The following PJVK variants were observed in gnomAD, a reference collection of about 807,000 sequenced individuals.
PJVK encodes pejvakin.
In PJVK, 33 loss-of-function variants were observed where a neutral mutation model predicts 37.6. That is an observed-to-expected ratio of 0.88 (90% CI 0.67 to 1.17). The LOEUF (loss-of-function observed/expected upper bound fraction) is 1.17. PJVK is among the 50% of genes most tolerant of loss of function. PJVK has a pLI of 0.00. For missense variants in PJVK, 410 were observed against 413.8 expected (o/e 0.99, Z 0.08); for synonymous variants, 141 against 143.5 (o/e 0.98, Z 0.13).
chr2:178,457,998 C>A (rs1038618433), intron 4 of PJVK, among the ~76,000 whole-genome samples: 7 of 152,198 alleles, frequency 4.6e-5, no homozygotes, highest in African/African-American at 1.7e-4. Context: ...CAAGGATAAT[C>A]TTTTCAAGTC....
chr2:178,453,177 T>G lies in PJVK; in HGVS notation c.-22-211T>G, dbSNP rs1472123021. 8.0e-6 allele frequency: 4 copies of G among 498,562 alleles called. No homozygotes were observed. In the East Asian group the frequency reaches 1.5e-4, roughly 19 times the overall value. 30.9% of individuals were successfully genotyped at this position (498,562 alleles called of 1,614,324 possible). A position where few individuals can be genotyped will look rare whatever the true frequency, so the allele number is the denominator to read the frequency against. On this transcript the variant is annotated intron_variant, in intron 1 of 6. Transcript: ENST00000644580. Reference sequence around the variant, plus strand: ...TAGTGCTATAGCCTGCCATTCCAAGTTAAACATGCTCTTAGCATATCATTT... The same window carrying G: ...TAGTGCTATAGCCTGCCATTCCAAGGTAAACATGCTCTTAGCATATCATTT...
At chr2:178,457,739 C>T (rs551937902) in intron 4 of PJVK, among the ~76,000 whole-genome samples, 2 of 152,220 alleles carry the variant, frequency 1.3e-5, no homozygotes, top group African/African-American at 4.8e-5. Flanking sequence ...TTTGCAGGTT[C>T]GAGCTCAGGA....
At chr2:178,456,295 T>A in intron 4 of PJVK, 144 bp downstream of exon 4, 1 of 1,021,640 alleles carries the variant, frequency 9.8e-7, no homozygotes, top group Non-Finnish European at 1.5e-6. Context: ...TGCACAGCAA[T>A]GTCTGTTCTA....
At chr2:178,460,723 C>T (rs1684440267) in intron 6 of PJVK, among the ~76,000 whole-genome samples, 1 of 151,752 alleles carries the variant, frequency 6.6e-6, no homozygotes, top group Non-Finnish European at 1.5e-5. Context: ...GTGGTGTGCA[C>T]CTGTAGTCCC....
Position 178,455,190 on chromosome 2 carries a change from G to T in PJVK, c.407+663G>T, listed in dbSNP as rs371564331. 3.8e-6 allele frequency: 6 copies of T among 1,588,844 alleles called. No homozygotes were observed. The African/African-American group carries it at 6.7e-5, about 18-fold the overall frequency. On this transcript the variant is annotated intron_variant, in intron 3 of 6. Coordinates refer to ENST00000644580, the MANE Select transcript of PJVK (RefSeq NM_001042702.5). ...CTGGAGAAGATCAAGAAGATGGAGT[G>T]GTGGAGCCGCTTGGTGTCCAGTGAC...
At chr2:178,460,604 A>G (rs567311765) in intron 6 of PJVK, among the ~76,000 whole-genome samples, 158 bp downstream of exon 6, 23 of 152,198 alleles carry the variant, frequency 1.5e-4, no homozygotes, top group African/African-American at 5.3e-4. Flanking sequence ...GCACTTTGGG[A>G]GGCCAGGGCA....
chr2:178,455,302 A>G (rs1353154787), intron 3 of PJVK: 3 of 1,353,406 alleles, frequency 2.2e-6, no homozygotes, highest in East Asian at 4.6e-5. Context: ...TGGAAAAGAC[A>G]ATCTATGACC....
In PJVK at chr2:178,461,229, T is replaced by C. The variant is rs1441955583; in HGVS notation, c.1014T>C (p.Leu338=). ...TTGATGGTCAGAAGTATGTGAGACTTCATGCAGTTCCTTGTTTTGATATTT... is the reference window on the plus strand; with the variant it reads ...TTGATGGTCAGAAGTATGTGAGACTCCATGCAGTTCCTTGTTTTGATATTT... The part of the protein sequence containing the change: ...CSVDGQKYVR[L]HAVPCFDIWH... The change falls in exon 7 of 7, where the codon CTT becomes CTC. Residue 338 remains leucine, a synonymous_variant. Transcript: ENST00000644580. 6.8e-6 allele frequency: 11 copies of C among 1,614,082 alleles called. No individual in the cohort carries two copies. The highest frequency in any genetic ancestry group is 8.5e-6 in the Non-Finnish European group (10 of 1,180,036).
intron 4 of PJVK, chr2:178,456,373 C>T (rs1417470738): frequency 1.7e-6 from 1 of 579,272 alleles, no homozygotes; most frequent in African/African-American, 1.9e-5. Flanking sequence ...AACAGTAATC[C>T]TTGTGAAATT....
chr2:178,461,111 T>A lies in PJVK; in HGVS notation c.896T>A (p.Leu299Ter). The change falls in exon 7 of 7, where the codon TTA becomes TAA. Residue 299 changes from leucine (L) to a stop codon, truncating the protein, a stop_gained. Transcript: ENST00000644580. LOFTEE classifies it high-confidence loss of function. Reference protein sequence around the residue: ...LKEGTHIRVNLLNHNIPKGPC... With the variant: ...LKEGTHIRVN ...GAAGGGACCCATATCCGAGTTAACT[T>A]ACTTAATCACAACATTCCCAAAGGG... The A allele has an allele frequency of 6.2e-7, 1 of 1,614,144 alleles. No homozygotes were observed. The highest frequency in any genetic ancestry group is 8.5e-7 in the Non-Finnish European group (1 of 1,180,018).
Position 178,461,309 on chromosome 2 carries a change from G to A in PJVK, c.*35G>A. The A allele has an allele frequency of 2.5e-6, 4 of 1,609,426 alleles. No homozygotes were observed. Among genetic ancestry groups the A allele is most frequent in the Non-Finnish European group, 2.5e-6 (3 of 1,177,752 alleles). ...TGAATACACCGTGTTGGTGTTTTAG[G>A]TGCAGTTGTGCCACAAACCTTCCCT... On this transcript the variant is annotated 3_prime_UTR_variant, in exon 7 of 7. Transcript: ENST00000644580.
At chr2:178,452,435 C>A (rs1697742161) in intron 1 of PJVK, 1 of 985,200 alleles carries the variant, frequency 1.0e-6, no homozygotes, top group Non-Finnish European at 1.2e-6. Flanking sequence ...TCTTCCTCTC[C>A]GTCTATATAT....
Position 178,460,272 on chromosome 2 carries a change from T to C in PJVK, c.668-76T>C, listed in dbSNP as rs550929663. The C allele has an allele frequency of 1.8e-3, 2,177 of 1,189,160 alleles. 44 individuals are homozygous for C. Among genetic ancestry groups the C allele is most frequent in the South Asian group, 0.018 (1,439 of 79,318 alleles). 73.7% of individuals were successfully genotyped at this position (1,189,160 alleles called of 1,614,324 possible). A position where few individuals can be genotyped will look rare whatever the true frequency, so the allele number is the denominator to read the frequency against. ...AAACAATACAATGAATGATTTGTACTAGAATTCATCACCCCATCAAACAAT... is the reference window on the plus strand; with the variant it reads ...AAACAATACAATGAATGATTTGTACCAGAATTCATCACCCCATCAAACAAT... On this transcript the variant is annotated intron_variant, in intron 5 of 6. Coordinates refer to ENST00000644580, the MANE Select transcript of PJVK (RefSeq NM_001042702.5).
intron 1 of PJVK, chr2:178,452,449 T>C (rs993804779): frequency 7.1e-6 from 7 of 983,800 alleles, no homozygotes; most frequent in African/African-American, 5.2e-5. Context: ...TATATATGTA[T>C]GTATATAGAT....
chr2:178,452,250 G>C (rs1355801282), intron 1 of PJVK: 30 of 946,432 alleles, frequency 3.2e-5, no homozygotes, highest in African/African-American at 3.8e-5. Flanking sequence ...CCGAGATCGC[G>C]CCACTGCACT....
Position 178,456,189 on chromosome 2 carries a change from T to G in PJVK, c.549+38T>G. The G allele has an allele frequency of 1.9e-6, 3 of 1,607,244 alleles. No homozygotes were observed. The South Asian group carries it at 3.3e-5, about 18-fold the overall frequency. Reference sequence around the variant, plus strand: ...TGTTGGGTTCTCTTACTAACTAAAGTGTTGCCATGGGAATTTTTTTAAGTA... The same window carrying G: ...TGTTGGGTTCTCTTACTAACTAAAGGGTTGCCATGGGAATTTTTTTAAGTA... On this transcript the variant is annotated intron_variant, in intron 4 of 6. Coordinates refer to ENST00000644580, the MANE Select transcript of PJVK (RefSeq NM_001042702.5).
intron 2 of PJVK, 156 bp downstream of exon 2, chr2:178,453,776 A>G (rs944302661): frequency 1.6e-6 from 1 of 634,376 alleles, no homozygotes. Context: ...TAAGATTAAC[A>G]ATGCCAAAAG....
Position 178,451,666 on chromosome 2 carries a change from G to C in PJVK, c.-126G>C. On this transcript the variant is annotated 5_prime_UTR_variant, in exon 1 of 7. Coordinates refer to ENST00000644580, the MANE Select transcript of PJVK (RefSeq NM_001042702.5). ...GCTGCGGTGCGCTCTTCGGGTCCCCGAGCCCTGTGTTTAGGAACACGCGGG... is the reference window on the plus strand; with the variant it reads ...GCTGCGGTGCGCTCTTCGGGTCCCCCAGCCCTGTGTTTAGGAACACGCGGG... 1.9e-6 allele frequency: 1 copy of C among 523,436 alleles called. No homozygotes were observed. The highest frequency in any genetic ancestry group is 2.5e-6 in the Non-Finnish European group (1 of 407,932). The allele number at this position is 523,436 out of a possible 1,614,324, so 32.4% of individuals were successfully genotyped here.
intron 5 of PJVK, chr2:178,459,911 C>G (rs903103223): frequency 5.9e-6 from 1 of 170,148 alleles, no homozygotes; most frequent in East Asian, 1.6e-4. Flanking sequence ...ATGGTGCATC[C>G]TTGCAAGAGA....
Sources: gnomAD v4.1 joint callset for allele counts (sites outside exome capture counted in the v4.1 genomes callset) on GRCh38, gnomAD v4.1.1 for gene constraint, MANE v1.5 for transcripts, NCBI Gene and HGNC (gene_info 2026-07-23, HGNC 2026-07-21) for gene names.